DPH2: variants seen among roughly 807,000 people sequenced by gnomAD.
DPH2 encodes 2-(3-amino-3-carboxypropyl)histidine synthase subunit 2.
In DPH2, 28 loss-of-function variants were observed where a neutral mutation model predicts 42.5. The ratio of observed to expected loss-of-function variants is 0.66; its 90% CI spans 0.49 to 0.90. The LOEUF (loss-of-function observed/expected upper bound fraction) is 0.90, where lower values mean the gene tolerates loss of function less well. Among genes scored for constraint, DPH2 ranks in the 40% least tolerant of loss-of-function variants. The pLI, the probability that DPH2 is intolerant of heterozygous loss-of-function variation, is 0.00. For synonymous variants in DPH2, 279 were observed against 264.4 expected (o/e 1.06, Z -0.53); for missense variants, 576 against 636.0 (o/e 0.91, Z 1.01).
chr1:43,970,907 G>T, intron 2 of DPH2, 59 bp from the exon 3 acceptor site: 1 of 1,518,868 alleles, frequency 6.6e-7, no homozygotes, highest in Non-Finnish European at 9.0e-7. Flanking sequence ...ATTTCCCAGT[G>T]ATGACAGCAA....
chr1:43,970,370 C>T (rs747088653), intron 1 of DPH2, 48 bp downstream of exon 1: 6 of 1,596,910 alleles, frequency 3.8e-6, no homozygotes, highest in Non-Finnish European at 5.1e-6. Flanking sequence ...CGGGATGGGT[C>T]GCCCAGAGGA....
At position 43,972,013 on chromosome 1, in the gene DPH2, G is replaced by A; in HGVS notation, c.1111G>A (p.Ala371Thr). Residue 371 changes from alanine (A) to threonine (T), a missense_variant, in exon 4 of 6, where the codon GCC (alanine) becomes ACC (threonine). Transcript: ENST00000255108. ...TGAGCTGGAAGCTGCCTGCAACCCTGCCTGGCCACCTCCAGGCCTGGCTCC... is the reference window on the plus strand; with the variant it reads ...TGAGCTGGAAGCTGCCTGCAACCCTACCTGGCCACCTCCAGGCCTGGCTCC... ...PCELEAACNP[A>T]WPPPGLAPHL... The A allele has an allele frequency of 1.2e-6, 2 of 1,614,158 alleles. No homozygotes were observed. The highest frequency in any genetic ancestry group is 1.1e-5 in the South Asian group (1 of 91,090).
rs1244901954 is a variant in DPH2 at position 43,970,067 on chromosome 1, CT to C, written c.-108del. 2.3e-6 allele frequency: 3 copies of C among 1,320,262 alleles called. No individual in the cohort carries two copies. Among genetic ancestry groups the C allele is most frequent in the Non-Finnish European group, 2.1e-6 (2 of 965,970 alleles). 81.8% of individuals were successfully genotyped at this position (1,320,262 alleles called of 1,614,324 possible). ...GGCTGAAGGCCGACTGTGATTCCCC[CT>C]ACCCCCACAAGGCGATTTTGACCCC... On this transcript the variant is annotated 5_prime_UTR_variant, in exon 1 of 6. The change creates a premature stop within an existing upstream ORF in the 5' untranslated region. Transcript: ENST00000255108.
Position 43,970,018 on chromosome 1 carries a change from G to C in DPH2, c.-158G>C. 1.2e-6 allele frequency: 1 copy of C among 812,254 alleles called. No individual in the cohort carries two copies. Among genetic ancestry groups the C allele is most frequent in the Non-Finnish European group, 1.9e-6 (1 of 534,232 alleles). 50.3% of individuals were successfully genotyped at this position (812,254 alleles called of 1,614,324 possible). A position where few individuals can be genotyped will look rare whatever the true frequency, so the allele number is the denominator to read the frequency against. On this transcript the variant is annotated 5_prime_UTR_variant, in exon 1 of 6. Coordinates refer to ENST00000255108, the MANE Select transcript of DPH2 (RefSeq NM_001384.5). Reference sequence around the variant, plus strand: ...ACGTGTAGCGGAGAAACAGTAGTTAGGATGGCTGAAGGGGATACTCACCGG... The same window carrying C: ...ACGTGTAGCGGAGAAACAGTAGTTACGATGGCTGAAGGGGATACTCACCGG...
In DPH2 at chr1:43,971,413, C is replaced by T. The variant is rs767303260; in HGVS notation, c.511C>T (p.Arg171Trp). 1.6e-5 allele frequency: 25 copies of T among 1,598,960 alleles called. No homozygotes were observed. In the South Asian group the frequency reaches 1.7e-4, roughly 11 times the overall value. ...GGCTTTGGCTACTCTCCTGCGCCCA[C>T]GGTACCTGGACCTGCTAGTCTCCAG... ...LEALATLLRP[R>W]YLDLLVSSPA... The change falls in exon 4 of 6, where the codon CGG (arginine) becomes TGG (tryptophan). Residue 171 changes from arginine (R) to tryptophan (W), a missense_variant. Around this residue, in one of 3 missense-constraint regions of DPH2, gnomAD observed 395 missense variants for 435.2 expected, o/e 0.91. Transcript: ENST00000255108.
At chr1:43,972,130 A>G (rs901825497) in intron 4 of DPH2, 28 bp from the exon 5 acceptor site, 2 of 1,610,940 alleles carry the variant, frequency 1.2e-6, no homozygotes, top group African/African-American at 2.7e-5. Context: ...GGGGGTGAGT[A>G]TGGATTTTCT....
At position 43,971,863 on chromosome 1, in the gene DPH2, C is replaced by T. The variant is rs374991612; in HGVS notation, c.961C>T (p.Arg321Trp). ...GKRSYVLALG[R>W]PTPAKLANFP... ...GCGTAGCTATGTGTTGGCCCTGGGG[C>T]GGCCCACCCCTGCCAAGCTTGCCAA... The change falls in exon 4 of 6, where the codon CGG becomes TGG. Residue 321 changes from arginine (R) to tryptophan (W), a missense_variant. Around this residue, in one of 3 missense-constraint regions of DPH2, gnomAD observed 395 missense variants for 435.2 expected, o/e 0.91. Transcript: ENST00000255108. 2.8e-5 allele frequency: 45 copies of T among 1,613,946 alleles called. No homozygotes were observed. Among genetic ancestry groups the T allele is most frequent in the Admixed American group, 3.3e-5 (2 of 60,014 alleles).
chr1:43,972,171 CG>C lies in DPH2; in HGVS notation c.1183del (p.Val395TrpfsTer40). ...ADLLPGSPFH[V>X]ALPPPESELW... ...CCTCCCTTTCAGGCTCTCCCTTCCA[CG>C]TGGCTCTCCCACCACCTGAGTCAGA... is the stretch of plus-strand genomic sequence containing the variant. On this transcript the variant is annotated frameshift_variant, in exon 5 of 6. Transcript: ENST00000255108. LOFTEE classifies it high-confidence loss of function. 1 of 1,613,754 alleles carries C rather than the reference CG, an allele frequency of 6.2e-7. No homozygotes were observed.
rs371818224 is a variant in DPH2, at chr1:43,972,506, T to C, written c.1437T>C (p.Ile479=). 3.7e-6 allele frequency: 6 copies of C among 1,614,114 alleles called. No homozygotes were observed. Among genetic ancestry groups the C allele is most frequent in the Non-Finnish European group, 5.1e-6 (6 of 1,180,054 alleles). ...VTEAVSGRRG[I]AIAYEDEGSG The stretch of plus-strand genomic sequence containing the variant: ...AAGCTGTGAGTGGAAGACGAGGGAT[T>C]GCCATCGCCTATGAGGATGAGGGAA... The change falls in exon 6 of 6, where the codon ATT becomes ATC. Residue 479 remains isoleucine (I), a synonymous_variant. Coordinates refer to ENST00000255108, the MANE Select transcript of DPH2 (RefSeq NM_001384.5).
rs761398545 is a variant in DPH2, at chr1:43,972,121, GGGGTGAGTATGGATTTTC to G, written c.1169-36_1169-19del. The stretch of plus-strand genomic sequence containing the variant: ...CTGGAAACCTGGGGCACGGAGTCAG[GGGGTGAGTATGGATTTTC>G]TTTCCTCCTCCCTTTCAGGCTCTCC... On this transcript the variant is annotated intron_variant, in intron 4 of 5. Transcript: ENST00000255108. 5 of 1,610,022 alleles carry G rather than the reference GGGGTGAGTATGGATTTTC, an allele frequency of 3.1e-6. No individual in the cohort carries two copies. In the East Asian group the frequency reaches 1.1e-4, roughly 36 times the overall value.
chr1:43,972,348 T>C lies in DPH2; in HGVS notation c.1345+14T>C. ...GCAGTCCTGCAGGTAAATGTACAAG[T>C]CTCCACTCCCAGCTGAGCTTTTTCT... On this transcript the variant is annotated intron_variant, in intron 5 of 5. Transcript: ENST00000255108. 6.2e-7 allele frequency: 1 copy of C among 1,613,488 alleles called. No homozygotes were observed. The highest frequency in any genetic ancestry group is 1.7e-4 in the Middle Eastern group (1 of 6,058).
chr1:43,971,941 GC>G lies in DPH2; in HGVS notation c.1045del (p.Gln349SerfsTer86), dbSNP rs749760826. ...VLLACPLGAL[A>X]PQLSGSFFQP... ...ATTAGCCTGTCCTCTGGGTGCTCTA[GC>G]CCCCCAGCTTTCTGGTAGCTTCTTC... On this transcript the variant is annotated frameshift_variant, in exon 4 of 6. Coordinates refer to ENST00000255108, the MANE Select transcript of DPH2 (RefSeq NM_001384.5). LOFTEE classifies it high-confidence loss of function. 1.2e-6 allele frequency: 2 copies of G among 1,614,178 alleles called. No homozygotes were observed. The highest frequency in any genetic ancestry group is 1.7e-5 in the Admixed American group (1 of 60,030).
chr1:43,970,413 G>A (rs1447989888), intron 1 of DPH2, 91 bp downstream of exon 1: 3 of 1,563,546 alleles, frequency 1.9e-6, no homozygotes, highest in African/African-American at 2.7e-5. Context: ...GAGGGCGAGA[G>A]GGTGGGGGAA....
rs758756539 is a variant in DPH2 at position 43,970,646 on chromosome 1, T to C, written c.198T>C (p.Ala66=). 2.1e-5 allele frequency: 34 copies of C among 1,614,086 alleles called. No individual in the cohort carries two copies. Among genetic ancestry groups the C allele is most frequent in the Non-Finnish European group, 2.8e-5 (33 of 1,180,042 alleles). Residue 66 remains alanine, a synonymous_variant, in exon 2 of 6, where the codon GCT becomes GCC. Transcript: ENST00000255108. ...TATTGGGAGATGCTGTGGCTGTGGCTGCACGACTGGAGGAGACGACAGGGT... is the reference window on the plus strand; with the variant it reads ...TATTGGGAGATGCTGTGGCTGTGGCCGCACGACTGGAGGAGACGACAGGGT... The part of the protein sequence containing the change: ...DQLLGDAVAV[A]ARLEETTGSK...
In DPH2 at chr1:43,970,031, G is replaced by A. The variant is rs976683409; in HGVS notation, c.-145G>A. ...AAACAGTAGTTAGGATGGCTGAAGG[G>A]GATACTCACCGGCTGAAGGCCGACT... On this transcript the variant is annotated 5_prime_UTR_variant, in exon 1 of 6. Coordinates refer to ENST00000255108, the MANE Select transcript of DPH2 (RefSeq NM_001384.5). 4.4e-6 allele frequency: 4 copies of A among 905,016 alleles called. No homozygotes were observed. The highest frequency in any genetic ancestry group is 3.3e-6 in the Non-Finnish European group (2 of 612,228). 56.1% of individuals were successfully genotyped at this position (905,016 alleles called of 1,614,324 possible).
At chr1:43,970,524 C>T (rs1380694155) in intron 1 of DPH2, 72 bp from the exon 2 acceptor site, 2 of 1,567,560 alleles carry the variant, frequency 1.3e-6, no homozygotes, top group Non-Finnish European at 1.8e-6. Context: ...AGTGGGAGCT[C>T]CTGGAAGATT....
rs150291980 is a variant in DPH2, at chr1:43,971,711, G to C, written c.809G>C (p.Arg270Pro). ...EGARAGRLRA[R>P]RRYLVERARD... The stretch of plus-strand genomic sequence containing the variant: ...GCCCGGGCTGGACGGCTAAGGGCAC[G>C]AAGACGATATCTGGTAGAGAGGGCC... The change falls in exon 4 of 6, where the codon CGA becomes CCA. Residue 270 changes from arginine (R) to proline (P), a missense_variant. Physicochemically the swap from Arg to Pro is moderately radical, Grantham distance 103 (BLOSUM62 -2). Transcript: ENST00000255108. The C allele has an allele frequency of 1.9e-6, 3 of 1,612,926 alleles. No homozygotes were observed. The highest frequency in any genetic ancestry group is 2.5e-6 in the Non-Finnish European group (3 of 1,179,984).
At position 43,970,759 on chromosome 1, in the gene DPH2, G is replaced by A. The variant is rs374257990; in HGVS notation, c.260+51G>A. On this transcript the variant is annotated intron_variant, in intron 2 of 5. Transcript: ENST00000255108. The stretch of plus-strand genomic sequence containing the variant: ...AGGCCTGGGGATCCGGGGCTCATGG[G>A]GTTTTACGTCTATGACAGTGATTGC... 4.5e-6 allele frequency: 7 copies of A among 1,542,054 alleles called. No individual in the cohort carries two copies. In the African/African-American group the frequency reaches 9.5e-5, roughly 21 times the overall value.
chr1:43,972,548 G>C lies in DPH2; in HGVS notation c.*9G>C, dbSNP rs768202561. The C allele has an allele frequency of 6.2e-7, 1 of 1,614,178 alleles. No homozygotes were observed. Among genetic ancestry groups the C allele is most frequent in the Non-Finnish European group, 8.5e-7 (1 of 1,180,006 alleles). On this transcript the variant is annotated 3_prime_UTR_variant, in exon 6 of 6. Coordinates refer to ENST00000255108, the MANE Select transcript of DPH2 (RefSeq NM_001384.5). The stretch of plus-strand genomic sequence containing the variant: ...ATGAGGGAAGCGGCTGATACCATGT[G>C]GGGCTGGAGACATAGATGGACTTAT...
Sources: gnomAD v4.1 joint callset for allele counts on GRCh38, gnomAD v4.1.1 for gene constraint, gnomAD v4.1.1 regional missense constraint, MANE v1.5 for transcripts, NCBI Gene and HGNC (gene_info 2026-07-23, HGNC 2026-07-21) for gene names.